The following NTNG1 variants were observed in gnomAD, a reference collection of about 807,000 sequenced individuals.
NTNG1 encodes the protein netrin-G1.
In NTNG1, 16 loss-of-function variants were observed where a neutral mutation model predicts 54.0. That is an observed-to-expected ratio of 0.30 (90% confidence interval 0.20 to 0.45). The LOEUF is 0.45. Ranked by LOEUF, NTNG1 falls within the 20% of genes least tolerant of loss-of-function variation. The pLI is 1.00. For missense variants in NTNG1, 530 were observed against 678.7 expected (o/e 0.78, Z 2.43); for synonymous variants, 255 against 263.1 (o/e 0.97, Z 0.30).
rs903413158 is a variant in NTNG1 at position 107,185,877 on chromosome 1, T to A, written c.246+37038T>A. 2.6e-4 allele frequency among the ~76,000 whole-genome samples: 36 copies of A among 136,802 alleles called. 1 individual carries two copies. The highest frequency in any genetic ancestry group is 1.7e-3 in the South Asian group (7 of 4,178). The allele number at this position is 136,802 out of a possible 152,430, so 89.7% of individuals were successfully genotyped here. On this transcript the variant is annotated intron_variant, in intron 2 of 7. Coordinates refer to ENST00000370068, the MANE Select transcript of NTNG1 (RefSeq NM_001113226.3). ...TCTGCGACCAACTTCTATTTTTTTT[T>A]AAAACTTGTATACGTTTAAAGGGTA... is the stretch of plus-strand genomic sequence containing the variant.
chr1:107,182,860 C>T (rs2101140245), intron 2 of NTNG1, among the ~76,000 whole-genome samples: 1 of 152,140 alleles, frequency 6.6e-6, no homozygotes, highest in African/African-American at 2.4e-5. Context: ...ATTCAGTTGC[C>T]CCTTGAATAA....
intron 2 of NTNG1, among the ~76,000 whole-genome samples, chr1:107,233,118 G>T (rs1661179635): frequency 6.6e-6 from 1 of 152,122 alleles, no homozygotes; most frequent in Non-Finnish European, 1.5e-5. Context: ...ATCAATATGA[G>T]ATTATGGAAA....
At chr1:107,297,249 G>GATATATATATATATATATATA (rs1491195014) in intron 2 of NTNG1, among the ~76,000 whole-genome samples, 1 of 18,678 alleles carries the variant, frequency 5.4e-5, no homozygotes, top group African/African-American at 1.7e-4. Flanking sequence ...ATATATATGC[G>GATATATATATATATATATATA]CACACACACA....
intron 2 of NTNG1, among the ~76,000 whole-genome samples, chr1:107,230,294 G>A (rs947957404): frequency 3.3e-5 from 5 of 152,118 alleles, no homozygotes; most frequent in Non-Finnish European, 5.9e-5. Flanking sequence ...ACCTGTATGC[G>A]GGTGGGGGAA....
intron 2 of NTNG1, among the ~76,000 whole-genome samples, chr1:107,271,472 A>G (rs1303617847): frequency 1.3e-5 from 2 of 152,156 alleles, no homozygotes; most frequent in East Asian, 1.9e-4. Flanking sequence ...AATTCCCTAT[A>G]CTCAGAAGTT....
chr1:107,335,908 A>G (rs574404417), intron 3 of NTNG1, among the ~76,000 whole-genome samples: 2 of 151,926 alleles, frequency 1.3e-5, no homozygotes, highest in Non-Finnish European at 2.9e-5. Context: ...TAAAAACTGC[A>G]AAACAGTGCT....
chr1:107,337,139 G>A (rs565678132), intron 3 of NTNG1, among the ~76,000 whole-genome samples: 4 of 152,086 alleles, frequency 2.6e-5, no homozygotes, highest in Non-Finnish European at 4.4e-5. Context: ...TAAAGCGGAA[G>A]CTTGAACAGA....
Position 107,329,806 on chromosome 1 carries a change from CTGGCTTTGA to C in NTNG1, c.887+4888_887+4896del, listed in dbSNP as rs146153871. Among the ~76,000 whole-genome samples, 880 of 152,118 alleles carry C rather than the reference CTGGCTTTGA, an allele frequency of 5.8e-3. 9 individuals carry two copies. Among genetic ancestry groups the C allele is most frequent in the African/African-American group, 0.02 (832 of 41,512 alleles). ...CTTATCCTCTACTCTGGGACAGATG[CTGGCTTTGA>C]TGGTAGACAGACGAAGATGCACCAA... On this transcript the variant is annotated intron_variant, in intron 3 of 7. Transcript: ENST00000370068.
chr1:107,285,701 A>C (rs1665152485), intron 2 of NTNG1, among the ~76,000 whole-genome samples: 1 of 152,186 alleles, frequency 6.6e-6, no homozygotes, highest in South Asian at 2.1e-4. Context: ...AAATTGTCGA[A>C]AACAATGAGA....
chr1:107,388,963 T>C (rs1672191331), intron 3 of NTNG1, among the ~76,000 whole-genome samples: 1 of 152,172 alleles, frequency 6.6e-6, no homozygotes, highest in Non-Finnish European at 1.5e-5. Context: ...TTTGTATAGC[T>C]AGTGCCAATC....
intron 2 of NTNG1, among the ~76,000 whole-genome samples, chr1:107,309,850 C>T (rs1353764465): frequency 6.6e-6 from 1 of 152,164 alleles, no homozygotes; most frequent in Non-Finnish European, 1.5e-5. Flanking sequence ...TATATTTAAA[C>T]CTATCTCCTA....
chr1:107,462,613 T>C (rs1165843884), intron 7 of NTNG1, among the ~76,000 whole-genome samples: 1 of 152,222 alleles, frequency 6.6e-6, no homozygotes, highest in Non-Finnish European at 1.5e-5. Context: ...ACATGTGCTT[T>C]TCCTTTAATT....
At chr1:107,354,611 G>A (rs1669832344) in intron 3 of NTNG1, among the ~76,000 whole-genome samples, 1 of 152,054 alleles carries the variant, frequency 6.6e-6, no homozygotes, top group Admixed American at 6.5e-5. Context: ...CAGCTACATG[G>A]GGATCATCAA....
intron 7 of NTNG1, among the ~76,000 whole-genome samples, chr1:107,443,624 TCA>T (rs1676120780): frequency 6.6e-6 from 1 of 152,136 alleles, no homozygotes; most frequent in Non-Finnish European, 1.5e-5. Flanking sequence ...CCAGTTGACC[TCA>T]CACTTTGAAT....
chr1:107,259,115 TG>T (rs1390552550), intron 2 of NTNG1, among the ~76,000 whole-genome samples: 1 of 152,200 alleles, frequency 6.6e-6, no homozygotes, highest in East Asian at 1.9e-4. Flanking sequence ...ACTGTAAAAA[TG>T]GTTGGGTTTA....
intron 7 of NTNG1, among the ~76,000 whole-genome samples, chr1:107,448,760 C>T (rs1021576316): frequency 3.3e-5 from 5 of 151,954 alleles, no homozygotes; most frequent in Admixed American, 6.6e-5. Flanking sequence ...TAGTATCTCA[C>T]GCCATCAATT....
intron 2 of NTNG1, among the ~76,000 whole-genome samples, chr1:107,153,762 C>T (rs1173450205): frequency 6.6e-6 from 1 of 152,168 alleles, no homozygotes; most frequent in Non-Finnish European, 1.5e-5. Flanking sequence ...CACTACTTCT[C>T]ATCAGGACTC....
intron 3 of NTNG1, among the ~76,000 whole-genome samples, chr1:107,384,669 C>G (rs560979606): frequency 4.6e-5 from 7 of 152,154 alleles, no homozygotes; most frequent in Non-Finnish European, 8.8e-5. Flanking sequence ...ACTCATTATA[C>G]TTGTGAAAGA....
At chr1:107,370,528 A>C (rs1041624239) in intron 3 of NTNG1, among the ~76,000 whole-genome samples, 1 of 151,744 alleles carries the variant, frequency 6.6e-6, no homozygotes, top group Non-Finnish European at 1.5e-5. Flanking sequence ...CTTTCCACCG[A>C]GTCCCCAAAG....
Sources: gnomAD v4.1 joint callset for allele counts (sites outside exome capture counted in the v4.1 genomes callset) on GRCh38, gnomAD v4.1.1 for gene constraint, MANE v1.5 for transcripts, NCBI Gene and HGNC (gene_info 2026-07-23, HGNC 2026-07-21) for gene names.